Variants in PAM observed in about 807,000 individuals in gnomAD.
PAM encodes peptidylglycine alpha-amidating monooxygenase.
Under a neutral mutation model 122.1 loss-of-function variants are expected in PAM, and 72 were observed. The ratio of observed to expected loss-of-function variants is 0.59; its 90% confidence interval spans 0.49 to 0.72. The LOEUF is 0.72. Among genes scored for constraint, PAM ranks in the 30% least tolerant of loss-of-function variants. The pLI is 0.00. For synonymous variants in PAM, 389 were observed against 404.4 expected, an observed-to-expected ratio of 0.96 and a Z score of 0.46; for missense variants, 1,106 against 1,183.7, an observed-to-expected ratio of 0.93 and a Z score of 0.96.
At chr5:102,975,699 AG>A (rs1270916532) in intron 15 of PAM, among the ~76,000 whole-genome samples, 1 of 152,178 alleles carries the variant, frequency 6.6e-6, no homozygotes, top group Non-Finnish European at 1.5e-5. Flanking sequence ...CAAAACACAC[AG>A]GAATGTCTGC....
chr5:102,801,341 C>G (rs553001956), intron 1 of PAM, among the ~76,000 whole-genome samples: 3 of 152,012 alleles, frequency 2.0e-5, no homozygotes, highest in Non-Finnish European at 2.9e-5. Context: ...ATTCACAGCC[C>G]GCAGATTATA....
chr5:102,840,835 G>A (rs912426273), intron 1 of PAM, among the ~76,000 whole-genome samples: 2 of 152,116 alleles, frequency 1.3e-5, no homozygotes, highest in African/African-American at 2.4e-5. Flanking sequence ...ACATGGCTTC[G>A]TATATCTGCA....
chr5:102,780,385 T>G (rs1561425301), intron 1 of PAM, among the ~76,000 whole-genome samples: 1 of 152,194 alleles, frequency 6.6e-6, no homozygotes, highest in East Asian at 1.9e-4. Flanking sequence ...ATTGTCTTTC[T>G]TGATTCATGT....
intron 1 of PAM, among the ~76,000 whole-genome samples, chr5:102,758,068 ATTTTGTT>A (rs1751046869): frequency 2.6e-4 from 23 of 87,628 alleles, no homozygotes; most frequent in African/African-American, 9.5e-4. Flanking sequence ...AAGACTTAGA[ATTTTGTT>A]TTTTTTTTTT....
intron 3 of PAM, among the ~76,000 whole-genome samples, chr5:102,899,024 G>T (rs1046373181): frequency 6.6e-6 from 1 of 151,348 alleles, no homozygotes; most frequent in Non-Finnish European, 1.5e-5. Context: ...CTTGTCTCCT[G>T]CAGAGGGTCT....
At chr5:102,828,944 G>C (rs1774543137) in intron 1 of PAM, among the ~76,000 whole-genome samples, 1 of 138,428 alleles carries the variant, frequency 7.2e-6, no homozygotes, top group African/African-American at 2.7e-5. Context: ...TTTTGAGACA[G>C]AGTCTTGCTA....
intron 3 of PAM, among the ~76,000 whole-genome samples, chr5:102,892,996 T>C (rs1039725813): frequency 6.6e-6 from 1 of 151,932 alleles, no homozygotes; most frequent in African/African-American, 2.4e-5. Context: ...ATTTAGCTTA[T>C]TACACCTGTG....
chr5:102,999,480 T>C (rs951107728), intron 16 of PAM, among the ~76,000 whole-genome samples: 1 of 152,224 alleles, frequency 6.6e-6, no homozygotes, highest in Non-Finnish European at 1.5e-5. Flanking sequence ...GGTGGCCCTC[T>C]TCTCACAGCT....
At chr5:102,987,479 A>G (rs983211346) in intron 15 of PAM, 6 of 445,514 alleles carry the variant, frequency 1.3e-5, no homozygotes, top group African/African-American at 1.0e-4. Context: ...CAGCAGGGTA[A>G]ATATAGTTAA....
At chr5:103,026,946 A>G (rs866133623) in intron 24 of PAM, among the ~76,000 whole-genome samples, 1 of 152,332 alleles carries the variant, frequency 6.6e-6, no homozygotes, top group South Asian at 2.1e-4. Flanking sequence ...CATGTGACAC[A>G]GCACTGTTAC....
chr5:102,756,263 G>A lies in PAM; in HGVS notation c.-374+915G>A, dbSNP rs1750283596. Among the ~76,000 whole-genome samples the A allele has an allele frequency of 2.6e-5, 4 of 152,168 alleles. No individual in the cohort carries two copies. In the South Asian group the frequency reaches 8.3e-4, roughly 32 times the overall value. ...GGCTGAGATGTGATTATCTCTCTGG[G>A]TGATTTGGTCAGTAGCTTTGCGGGG... On this transcript the variant is annotated intron_variant, in intron 1 of 25. Coordinates refer to ENST00000438793, the MANE Select transcript of PAM (RefSeq NM_001177306.2).
At chr5:102,803,036 T>C (rs1765189100) in intron 1 of PAM, among the ~76,000 whole-genome samples, 1 of 151,784 alleles carries the variant, frequency 6.6e-6, no homozygotes, top group Non-Finnish European at 1.5e-5. Context: ...AGTGGGAGGA[T>C]TGCTTGAGCC....
intron 1 of PAM, among the ~76,000 whole-genome samples, chr5:102,807,716 C>T (rs890786151): frequency 3.3e-5 from 5 of 152,058 alleles, no homozygotes; most frequent in African/African-American, 9.7e-5. Flanking sequence ...AAGTATTCAC[C>T]GTTAAGGATA....
intron 1 of PAM, among the ~76,000 whole-genome samples, chr5:102,809,745 T>C (rs1030925051): frequency 6.6e-6 from 1 of 152,254 alleles, no homozygotes; most frequent in African/African-American, 2.4e-5. Context: ...GGGTGAAACA[T>C]TGCTTAAAAA....
intron 21 of PAM, among the ~76,000 whole-genome samples, chr5:103,016,227 C>T (rs950058999): frequency 6.6e-6 from 1 of 152,156 alleles, no homozygotes; most frequent in Non-Finnish European, 1.5e-5. Context: ...GTGTGATAAA[C>T]TTGATGATTT....
Position 102,853,876 on chromosome 5 carries a change from A to ACT in PAM, c.-373-11946_-373-11945dup, listed in dbSNP as rs1485192606. On this transcript the variant is annotated intron_variant, in intron 1 of 25. Coordinates refer to ENST00000438793, the MANE Select transcript of PAM (RefSeq NM_001177306.2). ...GATGTGAAACAATAACACTTCTCAC[A>ACT]CTTACGTGTACTATTGGTTTGAATT... Among the ~76,000 whole-genome samples, 9 of 152,380 alleles carry ACT rather than the reference A, an allele frequency of 5.9e-5. No individual in the cohort carries two copies. The East Asian group carries it at 1.7e-3, about 29-fold the overall frequency.
intron 1 of PAM, among the ~76,000 whole-genome samples, chr5:102,818,507 A>G (rs1358222217): frequency 1.2e-4 from 18 of 152,172 alleles, no homozygotes; most frequent in Admixed American, 1.2e-3. Context: ...TCTTGGTGGC[A>G]TATGACACTG....
chr5:102,928,235 CT>C (rs929152894), intron 7 of PAM, among the ~76,000 whole-genome samples: 1 of 152,182 alleles, frequency 6.6e-6, no homozygotes, highest in African/African-American at 2.4e-5. Context: ...GTAAGGACCC[CT>C]AACAGATACT....
intron 1 of PAM, among the ~76,000 whole-genome samples, chr5:102,834,439 C>G (rs1776336762): frequency 6.6e-6 from 1 of 152,144 alleles, no homozygotes; most frequent in Non-Finnish European, 1.5e-5. Flanking sequence ...AATCCGTTCT[C>G]TCATAGAGTG....
Sources: gnomAD v4.1 joint callset for allele counts (sites outside exome capture counted in the v4.1 genomes callset) on GRCh38, gnomAD v4.1.1 for gene constraint, MANE v1.5 for transcripts, NCBI Gene and HGNC (gene_info 2026-07-23, HGNC 2026-07-21) for gene names.